The following TMEM132D variants were observed in gnomAD, a reference collection of about 807,000 sequenced individuals.
TMEM132D encodes mature OL transmembrane protein.
In TMEM132D, 21 loss-of-function variants were observed where a neutral mutation model predicts 62.3. That is an observed-to-expected ratio of 0.34 (90% CI 0.24 to 0.49). TMEM132D has a LOEUF of 0.49. TMEM132D is among the 20% of genes least tolerant of loss of function. The pLI is 0.99. For missense variants in TMEM132D, 1,346 were observed against 1,402.8 expected (o/e 0.96, Z 0.65); for synonymous variants, 621 against 575.6 (o/e 1.08, Z -1.13).
At chr12:129,716,489 G>A (rs886162708) in intron 1 of TMEM132D, among the ~76,000 whole-genome samples, 1 of 152,126 alleles carries the variant, frequency 6.6e-6, no homozygotes, top group Admixed American at 6.5e-5. Context: ...TGACCTACAA[G>A]GTGCACTGAA....
intron 2 of TMEM132D, among the ~76,000 whole-genome samples, chr12:129,544,639 C>T (rs1365853776): frequency 6.6e-6 from 1 of 151,894 alleles, no homozygotes; most frequent in Non-Finnish European, 1.5e-5. Context: ...ATCCTAATAC[C>T]ACATATTTCA....
intron 1 of TMEM132D, among the ~76,000 whole-genome samples, chr12:129,769,823 T>C (rs76200769): frequency 0.02 from 3,050 of 152,226 alleles, 151 homozygotes; most frequent in East Asian, 0.15. Flanking sequence ...ACTCACATAG[T>C]TGTCCAGGGA....
At chr12:129,076,945 C>T (rs939896099) in intron 8 of TMEM132D, among the ~76,000 whole-genome samples, 4 of 152,212 alleles carry the variant, frequency 2.6e-5, no homozygotes, top group African/African-American at 9.6e-5. Context: ...CTGTAACTTG[C>T]CTCTCGGCTG....
At chr12:129,105,914 T>C (rs1403578630) in intron 5 of TMEM132D, among the ~76,000 whole-genome samples, 3 of 151,312 alleles carry the variant, frequency 2.0e-5, no homozygotes, top group Non-Finnish European at 4.4e-5. Flanking sequence ...ATCCCATTAC[T>C]GGGTATATAC....
At chr12:129,579,173 C>A (rs529469955) in intron 2 of TMEM132D, among the ~76,000 whole-genome samples, 1 of 152,160 alleles carries the variant, frequency 6.6e-6, no homozygotes, top group African/African-American at 2.4e-5. Context: ...CTGATCCTAT[C>A]CTATTAGATG....
intron 1 of TMEM132D, among the ~76,000 whole-genome samples, chr12:129,878,031 A>G (rs1192964492): frequency 6.6e-6 from 1 of 152,222 alleles, no homozygotes; most frequent in African/African-American, 2.4e-5. Flanking sequence ...ATTCCTGCCC[A>G]GGAATACAAG....
At chr12:129,640,277 GA>G (rs953008365) in intron 2 of TMEM132D, among the ~76,000 whole-genome samples, 1 of 151,604 alleles carries the variant, frequency 6.6e-6, no homozygotes, top group African/African-American at 2.4e-5. Context: ...AGTTTAGCAG[GA>G]AAAAAAAGCC....
chr12:129,676,533 G>A (rs1398883034), intron 2 of TMEM132D, among the ~76,000 whole-genome samples: 1 of 152,186 alleles, frequency 6.6e-6, no homozygotes, highest in East Asian at 1.9e-4. Context: ...TTTGCTTACA[G>A]AGGAGGGGGA....
At chr12:129,554,214 A>G (rs1876987096) in intron 2 of TMEM132D, among the ~76,000 whole-genome samples, 1 of 152,172 alleles carries the variant, frequency 6.6e-6, no homozygotes, top group Non-Finnish European at 1.5e-5. Context: ...CAGAGACCTC[A>G]TCTGAGGACT....
intron 3 of TMEM132D, among the ~76,000 whole-genome samples, chr12:129,355,340 A>G (rs1271392675): frequency 6.6e-6 from 1 of 151,818 alleles, no homozygotes; most frequent in Non-Finnish European, 1.5e-5. Context: ...GTCCTTAAAA[A>G]GCACACCAAC....
chr12:129,704,026 A>G (rs1271086521), intron 1 of TMEM132D, among the ~76,000 whole-genome samples: 1 of 152,182 alleles, frequency 6.6e-6, no homozygotes, highest in Admixed American at 6.5e-5. Flanking sequence ...AATACCTCAC[A>G]TAGAAAACAG....
intron 1 of TMEM132D, among the ~76,000 whole-genome samples, chr12:129,778,917 C>A (rs536845839): frequency 6.6e-6 from 1 of 152,150 alleles, no homozygotes; most frequent in East Asian, 1.9e-4. Context: ...TTGTGAATAA[C>A]AGGACAATGA....
At chr12:129,170,640 C>G (rs1052995614) in intron 5 of TMEM132D, among the ~76,000 whole-genome samples, 1 of 152,118 alleles carries the variant, frequency 6.6e-6, no homozygotes, top group African/African-American at 2.4e-5. Flanking sequence ...GCCTGGCCAA[C>G]ATAGTAAAAC....
chr12:129,295,357 T>C (rs1376552269), intron 4 of TMEM132D, among the ~76,000 whole-genome samples: 1 of 150,332 alleles, frequency 6.7e-6, no homozygotes, highest in African/African-American at 2.5e-5. Context: ...CCGGCTAAAC[T>C]CCAGGGAACA....
Position 129,438,833 on chromosome 12 carries a change from G to T in TMEM132D, c.1115+92226C>A, listed in dbSNP as rs1234864765. 2.0e-5 allele frequency among the ~76,000 whole-genome samples: 3 copies of T among 152,108 alleles called. No individual in the cohort carries two copies. The East Asian group carries it at 5.8e-4, about 29-fold the overall frequency. The stretch of plus-strand genomic sequence containing the variant: ...TCACCATTCAATTAAGTGTCGAAAA[G>T]AAATAAAACTGCAAACAAAACATGA... On this transcript the variant is annotated intron_variant, in intron 3 of 8. Coordinates refer to ENST00000422113, the MANE Select transcript of TMEM132D (RefSeq NM_133448.3).
chr12:129,552,185 C>T (rs1398368518), intron 2 of TMEM132D, among the ~76,000 whole-genome samples: 1 of 152,154 alleles, frequency 6.6e-6, no homozygotes, highest in Admixed American at 6.5e-5. Flanking sequence ...TTTAAATACA[C>T]TGTATGTAGA....
At chr12:129,454,349 A>C (rs1873393145) in intron 3 of TMEM132D, among the ~76,000 whole-genome samples, 1 of 152,324 alleles carries the variant, frequency 6.6e-6, no homozygotes, top group South Asian at 2.1e-4. Context: ...GGCTCAGGTG[A>C]CAGATGTGGG....
intron 5 of TMEM132D, among the ~76,000 whole-genome samples, chr12:129,130,055 T>TGTGTGTGTG (rs1555231641): frequency 2.4e-5 from 1 of 41,600 alleles, no homozygotes; most frequent in Non-Finnish European, 6.0e-5. Flanking sequence ...GTGTGTGTGT[T>TGTGTGTGTG]TATTTATGCA....
chr12:129,493,910 A>G (rs1457148136), intron 3 of TMEM132D, among the ~76,000 whole-genome samples: 1 of 152,200 alleles, frequency 6.6e-6, no homozygotes, highest in Non-Finnish European at 1.5e-5. Flanking sequence ...AAAGCATCAG[A>G]GACTCGAAGC....
Sources: gnomAD v4.1 joint callset for allele counts (sites outside exome capture counted in the v4.1 genomes callset) on GRCh38, gnomAD v4.1.1 for gene constraint, MANE v1.5 for transcripts, NCBI Gene and HGNC (gene_info 2026-07-23, HGNC 2026-07-21) for gene names.